PDS5A: variants seen among roughly 807,000 people sequenced by gnomAD.
PDS5A encodes the protein PDS5 cohesin associated factor A.
Under a neutral mutation model 167.1 loss-of-function variants are expected in PDS5A, and 42 were observed. The observed-to-expected ratio is 0.25, with a 90% confidence interval of 0.20 to 0.33. PDS5A has a LOEUF of 0.33. PDS5A is among the 10% of genes least tolerant of loss of function. PDS5A has a pLI of 1.00. For synonymous variants in PDS5A, 553 were observed against 554.6 expected, an observed-to-expected ratio of 1.00 and a Z score of 0.04; for missense variants, 1,033 against 1,605.9, an observed-to-expected ratio of 0.64 and a Z score of 6.10.
At chr4:39,860,778 A>G (rs563664632) in intron 26 of PDS5A, among the ~76,000 whole-genome samples, 2 of 152,318 alleles carry the variant, frequency 1.3e-5, no homozygotes, top group Admixed American at 1.3e-4. Flanking sequence ...GTGGGCACTG[A>G]AAGAGTGAAG....
intron 24 of PDS5A, 49 bp downstream of exon 24, chr4:39,863,287 T>C (rs748795612): frequency 1.5e-6 from 2 of 1,369,580 alleles, no homozygotes; most frequent in East Asian, 2.3e-5. Flanking sequence ...AAAAGTAATG[T>C]ATTCAACTTT....
chr4:39,955,326 G>A (rs996970049), intron 2 of PDS5A, among the ~76,000 whole-genome samples: 1 of 152,158 alleles, frequency 6.6e-6, no homozygotes, highest in Admixed American at 6.6e-5. Context: ...CTAGGGCCGG[G>A]CGTGGTGGCT....
At chr4:39,913,255 T>C (rs1047461244) in intron 9 of PDS5A, among the ~76,000 whole-genome samples, 2 of 152,078 alleles carry the variant, frequency 1.3e-5, no homozygotes, top group Admixed American at 6.6e-5. Flanking sequence ...TGGTTAATTT[T>C]TGTATTTTTA....
chr4:39,957,557 G>C (rs1264115420), intron 2 of PDS5A, among the ~76,000 whole-genome samples: 1 of 152,112 alleles, frequency 6.6e-6, no homozygotes, highest in Non-Finnish European at 1.5e-5. Context: ...AGGCCAAAGA[G>C]GGCGGACCAC....
At chr4:39,908,268 C>T (rs1476306126) in intron 11 of PDS5A, 127 bp downstream of exon 11, 2 of 761,966 alleles carry the variant, frequency 2.6e-6, no homozygotes, top group Non-Finnish European at 4.5e-6. Context: ...AAATTAGGAG[C>T]TCTTTATCAT....
rs1293710735 is a variant in PDS5A, at chr4:39,975,099, T to TC, written c.138+1340dup. Among the ~76,000 whole-genome samples the TC allele has an allele frequency of 3.6e-5, 4 of 111,736 alleles. No individual in the cohort carries two copies. The Middle Eastern group carries it at 0.012, about 346-fold the overall frequency. 73.3% of individuals were successfully genotyped at this position (111,736 alleles called of 152,430 possible). ...TCCAGCCTAGGTGACAGAGCAAGAC[T>TC]CCGTCTCAAAAAAAAAAAAAAAAAA... On this transcript the variant is annotated intron_variant, in intron 2 of 32. Transcript: ENST00000303538.
chr4:39,921,583 T>TA (rs375091298), intron 6 of PDS5A, among the ~76,000 whole-genome samples: 11,365 of 86,758 alleles, frequency 0.13, 647 homozygotes, highest in East Asian at 0.23. Flanking sequence ...AAAGAAAACT[T>TA]AAAAAAAAAA....
At chr4:39,966,861 T>G (rs1472259975) in intron 2 of PDS5A, among the ~76,000 whole-genome samples, 1 of 149,130 alleles carries the variant, frequency 6.7e-6, no homozygotes, top group Admixed American at 6.8e-5. Context: ...TAGCCGGGTG[T>G]AGTGGTGGGT....
intron 26 of PDS5A, among the ~76,000 whole-genome samples, chr4:39,851,371 C>T (rs1262491406): frequency 6.6e-6 from 1 of 151,748 alleles, no homozygotes; most frequent in African/African-American, 2.4e-5. Flanking sequence ...GTGATCACAG[C>T]CCCAGCAACC....
chr4:39,845,611 G>A (rs1350941054), intron 29 of PDS5A, among the ~76,000 whole-genome samples: 1 of 152,088 alleles, frequency 6.6e-6, no homozygotes, highest in Non-Finnish European at 1.5e-5. Context: ...TAACATTACT[G>A]ATGAGAACAC....
At chr4:39,953,796 G>A (rs1385396707) in intron 2 of PDS5A, among the ~76,000 whole-genome samples, 1 of 152,062 alleles carries the variant, frequency 6.6e-6, no homozygotes, top group Non-Finnish European at 1.5e-5. Context: ...GCACTTAGAC[G>A]TTCGTAATCA....
At position 39,974,416 on chromosome 4, in the gene PDS5A, A is replaced by G. The variant is rs112548300; in HGVS notation, c.138+2024T>C. On this transcript the variant is annotated intron_variant, in intron 2 of 32. Coordinates refer to ENST00000303538, the MANE Select transcript of PDS5A (RefSeq NM_001100399.2). ...TCTTAATTTGAAAACAATAAATATT[A>G]ACGATCCATCAATTGTTTAAGTTTT... The G allele has an allele frequency of 5.5e-3, 1,860 of 336,190 alleles. 34 individuals are homozygous for G. Among genetic ancestry groups the G allele is most frequent in the African/African-American group, 0.038 (1,750 of 46,258 alleles). The allele number at this position is 336,190 out of a possible 1,614,324, so 20.8% of individuals were successfully genotyped here. A position where few individuals can be genotyped will look rare whatever the true frequency, so the allele number is the denominator to read the frequency against.
At chr4:39,940,770 A>G (rs1231709674) in intron 2 of PDS5A, among the ~76,000 whole-genome samples, 1 of 152,246 alleles carries the variant, frequency 6.6e-6, no homozygotes, top group Non-Finnish European at 1.5e-5. Context: ...CTCCCACTTC[A>G]GCCTCCTGAG....
At chr4:39,974,370 T>C (rs1193682142) in intron 2 of PDS5A, 4 of 427,304 alleles carry the variant, frequency 9.4e-6, no homozygotes, top group African/African-American at 2.1e-5. Flanking sequence ...TATCCAACAT[T>C]AGAATTCAAG....
intron 26 of PDS5A, among the ~76,000 whole-genome samples, chr4:39,852,403 A>G (rs1315222606): frequency 6.6e-6 from 1 of 151,986 alleles, no homozygotes; most frequent in African/African-American, 2.4e-5. Flanking sequence ...GATTCCCATG[A>G]TCCTCTGCTT....
At chr4:39,845,440 A>T (rs947826961) in intron 29 of PDS5A, among the ~76,000 whole-genome samples, 20 of 152,128 alleles carry the variant, frequency 1.3e-4, no homozygotes, top group Admixed American at 5.9e-4. Flanking sequence ...CAAAAAACTA[A>T]ATTTCCTTTT....
chr4:39,974,873 G>A (rs1478873319), intron 2 of PDS5A, among the ~76,000 whole-genome samples: 1 of 152,144 alleles, frequency 6.6e-6, no homozygotes, highest in Non-Finnish European at 1.5e-5. Context: ...CATATTGGGA[G>A]GCCGATGCAG....
In PDS5A at chr4:39,908,322, A is replaced by G. The variant is rs368771947; in HGVS notation, c.1233+73T>C. 3 of 1,132,120 alleles carry G rather than the reference A, an allele frequency of 2.6e-6. No homozygotes were observed. In the African/African-American group the frequency reaches 4.6e-5, roughly 17 times the overall value. The allele number at this position is 1,132,120 out of a possible 1,614,324, so 70.1% of individuals were successfully genotyped here. A position where few individuals can be genotyped will look rare whatever the true frequency, so the allele number is the denominator to read the frequency against. ...CACACAGAAAGACATTAAATGTAAC[A>G]GAAAATGATACCCAATTGTATTTAG... On this transcript the variant is annotated intron_variant, in intron 11 of 32. Coordinates refer to ENST00000303538, the MANE Select transcript of PDS5A (RefSeq NM_001100399.2).
At chr4:39,837,080 C>T (rs1716497964) in intron 32 of PDS5A, 1 of 150,682 alleles carries the variant, frequency 6.6e-6, no homozygotes, top group Non-Finnish European at 1.5e-5. Context: ...GATCCACCCA[C>T]CTAGGCCTCC....
Sources: allele counts gnomAD v4.1 joint callset (sites outside exome capture counted in the v4.1 genomes callset), GRCh38; gene constraint gnomAD v4.1.1; transcripts MANE v1.5; gene names NCBI Gene and HGNC (gene_info 2026-07-23, HGNC 2026-07-21).